The following TBC1D22A variants were observed in gnomAD, a reference collection of about 807,000 sequenced individuals.
The protein encoded by TBC1D22A is putative GTPase activator.
A neutral mutation model predicts 60.2 loss-of-function variants in TBC1D22A; 38 were observed. The ratio of observed to expected loss-of-function variants is 0.63; its 90% confidence interval spans 0.49 to 0.83. The LOEUF is 0.83. TBC1D22A is among the 40% of genes least tolerant of loss of function. The pLI, the probability that TBC1D22A is intolerant of heterozygous loss-of-function variation, is 0.00. For missense variants in TBC1D22A, 628 were observed against 701.0 expected, an observed-to-expected ratio of 0.90 and a Z score of 1.18; for synonymous variants, 302 against 281.7, an observed-to-expected ratio of 1.07 and a Z score of -0.72.
chr22:46,879,617 A>G (rs2067749338), intron 5 of TBC1D22A, among the ~76,000 whole-genome samples: 1 of 152,178 alleles, frequency 6.6e-6, no homozygotes, highest in Non-Finnish European at 1.5e-5. Context: ...TTTGCAATTA[A>G]AATTAGACTT....
At chr22:46,906,660 C>G (rs185718272) in intron 7 of TBC1D22A, among the ~76,000 whole-genome samples, 329 of 152,294 alleles carry the variant, frequency 2.2e-3, no homozygotes, top group Non-Finnish European at 3.5e-3. Context: ...TCTCCACCTA[C>G]GAGCAAGTCA....
chr22:47,059,672 C>T (rs1423303508), intron 11 of TBC1D22A, among the ~76,000 whole-genome samples: 1 of 152,154 alleles, frequency 6.6e-6, no homozygotes, highest in Non-Finnish European at 1.5e-5. Context: ...CTCAAAGGTC[C>T]CTCTCTCTGT....
chr22:46,783,832 C>CA (rs1555889253), intron 1 of TBC1D22A, among the ~76,000 whole-genome samples: 4 of 152,126 alleles, frequency 2.6e-5, no homozygotes, highest in Admixed American at 6.5e-5. Flanking sequence ...AGGTTTATCT[C>CA]AAAAAAATTT....
At chr22:46,932,684 G>T (rs980256598) in intron 8 of TBC1D22A, among the ~76,000 whole-genome samples, 1 of 149,264 alleles carries the variant, frequency 6.7e-6, no homozygotes. Flanking sequence ...CATTCTCTGA[G>T]GATAGGGTTT....
intron 12 of TBC1D22A, among the ~76,000 whole-genome samples, chr22:47,115,403 G>A (rs1190190826): frequency 6.7e-6 from 1 of 148,710 alleles, no homozygotes; most frequent in East Asian, 2.0e-4. Flanking sequence ...TCTCCGCTGA[G>A]CCCTGCCCCG....
intron 4 of TBC1D22A, among the ~76,000 whole-genome samples, chr22:46,802,170 C>T (rs908853586): frequency 2.6e-5 from 4 of 152,220 alleles, no homozygotes; most frequent in African/African-American, 9.6e-5. Context: ...GTCACTCATC[C>T]AGGCTCTGTT....
intron 12 of TBC1D22A, among the ~76,000 whole-genome samples, chr22:47,121,437 T>C (rs2066268079): frequency 6.6e-6 from 1 of 152,222 alleles, no homozygotes; most frequent in African/African-American, 2.4e-5. Context: ...TAAGTTATGG[T>C]ACATGGCTGG....
intron 11 of TBC1D22A, among the ~76,000 whole-genome samples, chr22:47,073,030 T>G (rs995214663): frequency 6.6e-6 from 1 of 152,254 alleles, no homozygotes; most frequent in Non-Finnish European, 1.5e-5. Flanking sequence ...GGCTTTCTTT[T>G]GGGGCTGGAA....
At chr22:47,159,383 A>T (rs1457006005) in intron 12 of TBC1D22A, among the ~76,000 whole-genome samples, 1 of 151,710 alleles carries the variant, frequency 6.6e-6, no homozygotes, top group Non-Finnish European at 1.5e-5. Flanking sequence ...ATACACACAG[A>T]CACACCACAC....
chr22:46,846,699 CTCA>C (rs2087011275), intron 4 of TBC1D22A, among the ~76,000 whole-genome samples: 1 of 152,002 alleles, frequency 6.6e-6, no homozygotes, highest in African/African-American at 2.4e-5. Flanking sequence ...CCACCAGCCT[CTCA>C]TCTTCACCCG....
chr22:46,805,786 C>T (rs1176637965), intron 4 of TBC1D22A, among the ~76,000 whole-genome samples: 1 of 149,692 alleles, frequency 6.7e-6, no homozygotes, highest in East Asian at 1.9e-4. Context: ...TCTCTCACCG[C>T]CCCCCCACAC....
chr22:47,144,189 C>T (rs943233345), intron 12 of TBC1D22A, among the ~76,000 whole-genome samples: 3 of 152,216 alleles, frequency 2.0e-5, no homozygotes, highest in Non-Finnish European at 2.9e-5. Flanking sequence ...CACACCCCAC[C>T]TGAGCCACCG....
At chr22:47,171,486 T>C (rs2068450191) in intron 12 of TBC1D22A, among the ~76,000 whole-genome samples, 1 of 152,148 alleles carries the variant, frequency 6.6e-6, no homozygotes, top group African/African-American at 2.4e-5. Context: ...CTGAGCAGTG[T>C]AGACCCCTCC....
chr22:46,973,732 A>T (rs969420262), intron 8 of TBC1D22A, among the ~76,000 whole-genome samples: 19 of 152,142 alleles, frequency 1.2e-4, no homozygotes, highest in Non-Finnish European at 2.8e-4. Flanking sequence ...GTGTTTTCTC[A>T]TTCGGTTTTT....
chr22:46,981,960 G>C (rs1332356375), intron 9 of TBC1D22A, among the ~76,000 whole-genome samples: 1 of 152,168 alleles, frequency 6.6e-6, no homozygotes, highest in African/African-American at 2.4e-5. Flanking sequence ...AATACCAGCA[G>C]TTACTAGGGA....
intron 5 of TBC1D22A, among the ~76,000 whole-genome samples, chr22:46,885,693 T>G (rs2068077789): frequency 1.3e-5 from 2 of 152,102 alleles, no homozygotes; most frequent in South Asian, 4.2e-4. Flanking sequence ...TGCCCCCCCT[T>G]GTAATTTTAT....
chr22:47,141,337 C>G (rs1338975196), intron 12 of TBC1D22A, among the ~76,000 whole-genome samples: 2 of 152,218 alleles, frequency 1.3e-5, no homozygotes, highest in Admixed American at 1.3e-4. Context: ...CAACCTTGAT[C>G]AGGTCACTCT....
At chr22:46,935,628 C>T (rs2071604037) in intron 8 of TBC1D22A, among the ~76,000 whole-genome samples, 1 of 152,340 alleles carries the variant, frequency 6.6e-6, no homozygotes, top group East Asian at 1.9e-4. Context: ...AGTCTTGCAG[C>T]GGTCACTTCC....
intron 4 of TBC1D22A, among the ~76,000 whole-genome samples, chr22:46,837,792 A>G (rs2147193811): frequency 6.6e-6 from 1 of 152,360 alleles, no homozygotes; most frequent in African/African-American, 2.4e-5. Context: ...GGCAGGGCTC[A>G]GTGGCTCACG....
Sources: gnomAD v4.1 joint callset for allele counts (sites outside exome capture counted in the v4.1 genomes callset) on GRCh38, gnomAD v4.1.1 for gene constraint, MANE v1.5 for transcripts, NCBI Gene and HGNC (gene_info 2026-07-23, HGNC 2026-07-21) for gene names.